Variants in PEPD observed in about 807,000 individuals in gnomAD.
PEPD encodes the protein peptidase D.
PEPD carries 53 observed loss-of-function variants against 60.7 expected under a neutral mutation model. That is an observed-to-expected ratio of 0.87 (90% CI 0.70 to 1.10). PEPD has a LOEUF of 1.10. Ranked by LOEUF, PEPD falls within the 50% of genes least tolerant of loss-of-function variation. The pLI, the probability that PEPD is intolerant of heterozygous loss-of-function variation, is 0.00. For missense variants in PEPD, 711 were observed against 711.9 expected (o/e 1.00, Z 0.01); for synonymous variants, 267 against 284.1 (o/e 0.94, Z 0.60).
chr19:33,415,820 G>A (rs1419411340), intron 9 of PEPD, among the ~76,000 whole-genome samples: 5 of 152,364 alleles, frequency 3.3e-5, no homozygotes, highest in East Asian at 1.9e-4. Flanking sequence ...AAAAGAGGAG[G>A]AGCACCACGT....
At chr19:33,493,194 C>T in intron 5 of PEPD, 96 bp downstream of exon 5, 1 of 880,882 alleles carries the variant, frequency 1.1e-6, no homozygotes, top group South Asian at 1.4e-5. Flanking sequence ...TTTTTTAATC[C>T]TCCCCTATGG....
intron 9 of PEPD, among the ~76,000 whole-genome samples, chr19:33,418,673 C>T (rs908172747): frequency 3.3e-5 from 5 of 152,204 alleles, no homozygotes; most frequent in Admixed American, 2.0e-4. Flanking sequence ...GCTCTTTTAG[C>T]ACTGTTCCCC....
At chr19:33,427,950 C>T (rs939190197) in intron 9 of PEPD, among the ~76,000 whole-genome samples, 3 of 152,132 alleles carry the variant, frequency 2.0e-5, no homozygotes, top group Non-Finnish European at 2.9e-5. Context: ...TGCCTGTAGG[C>T]AACCCATACC....
intron 9 of PEPD, among the ~76,000 whole-genome samples, chr19:33,417,313 GAA>G (rs1316527188): frequency 6.6e-6 from 1 of 152,202 alleles, no homozygotes; most frequent in Non-Finnish European, 1.5e-5. Context: ...GCTTGGGAGT[GAA>G]AATGCGCAGA....
At chr19:33,510,376 CA>C (rs1218212677) in intron 3 of PEPD, among the ~76,000 whole-genome samples, 1 of 152,146 alleles carries the variant, frequency 6.6e-6, no homozygotes, top group East Asian at 1.9e-4. Context: ...GCTCCAAAGC[CA>C]AAAGAGGAGG....
At chr19:33,454,143 T>G (rs547775914) in intron 9 of PEPD, among the ~76,000 whole-genome samples, 14 of 152,132 alleles carry the variant, frequency 9.2e-5, no homozygotes, top group African/African-American at 3.1e-4. Context: ...CAACCCGCAA[T>G]GCCAGAAAGG....
At chr19:33,452,507 G>C (rs765554833) in intron 9 of PEPD, among the ~76,000 whole-genome samples, 1 of 151,838 alleles carries the variant, frequency 6.6e-6, no homozygotes, top group Non-Finnish European at 1.5e-5. Context: ...TTTAAGAGCT[G>C]ATTTTATGAA....
intron 9 of PEPD, among the ~76,000 whole-genome samples, chr19:33,450,521 G>T (rs566477766): frequency 1.3e-5 from 2 of 152,284 alleles, no homozygotes; most frequent in Admixed American, 1.3e-4. Context: ...CACCATTCAC[G>T]CAGGAGACAA....
At chr19:33,469,252 T>C (rs992633338) in intron 7 of PEPD, among the ~76,000 whole-genome samples, 1 of 152,028 alleles carries the variant, frequency 6.6e-6, no homozygotes, top group Non-Finnish European at 1.5e-5. Flanking sequence ...TGCCCACCCA[T>C]CCCCACAGGC....
At chr19:33,506,357 C>A (rs1255458895) in intron 3 of PEPD, among the ~76,000 whole-genome samples, 2 of 147,626 alleles carry the variant, frequency 1.4e-5, no homozygotes, top group African/African-American at 5.0e-5. Flanking sequence ...AGGACACTCA[C>A]ACCCACCACA....
chr19:33,472,265 T>C (rs1316757186), intron 7 of PEPD, among the ~76,000 whole-genome samples: 1 of 151,596 alleles, frequency 6.6e-6, no homozygotes, highest in Non-Finnish European at 1.5e-5. Context: ...GAGTCCGAGG[T>C]TGTAGTGAGC....
intron 6 of PEPD, among the ~76,000 whole-genome samples, chr19:33,481,175 G>A (rs1360302512): frequency 6.6e-6 from 1 of 152,164 alleles, no homozygotes; most frequent in Admixed American, 6.5e-5. Flanking sequence ...AAATAAAAAA[G>A]TTTATAAGGG....
intron 6 of PEPD, among the ~76,000 whole-genome samples, chr19:33,483,494 A>C (rs950007373): frequency 6.6e-6 from 1 of 152,138 alleles, no homozygotes; most frequent in African/African-American, 2.4e-5. Context: ...CCTCGGCAAG[A>C]CTTCAACTCT....
chr19:33,425,230 C>T (rs865869176), intron 9 of PEPD, among the ~76,000 whole-genome samples: 7 of 152,026 alleles, frequency 4.6e-5, no homozygotes, highest in African/African-American at 7.3e-5. Context: ...ATTAGCCAGT[C>T]GTGGTGGCAC....
chr19:33,387,359 G>GA lies in PEPD; in HGVS notation c.1466dup (p.Ser490LeufsTer73), dbSNP rs1450207598. The GA allele has an allele frequency of 1.9e-6, 3 of 1,614,026 alleles. No homozygotes were observed. Among genetic ancestry groups the GA allele is most frequent in the Non-Finnish European group, 1.7e-6 (2 of 1,180,038 alleles). The stretch of plus-strand genomic sequence containing the variant: ...CTGGCTGGCTCTACTTGGGGCCAGA[G>GA]AAGGGGGTAAAGGCCTTGTCACAGC... On this transcript the variant is annotated frameshift_variant, in exon 15 of 15. Transcript: ENST00000244137. LOFTEE classifies it high-confidence loss of function.
chr19:33,421,487 T>C (rs1163944251), intron 9 of PEPD, among the ~76,000 whole-genome samples: 1 of 152,228 alleles, frequency 6.6e-6, no homozygotes, highest in Non-Finnish European at 1.5e-5. Context: ...CTTTTTATTT[T>C]TGTTTTTCAT....
At chr19:33,497,697 C>G (rs1313144501) in intron 4 of PEPD, among the ~76,000 whole-genome samples, 1 of 152,194 alleles carries the variant, frequency 6.6e-6, no homozygotes, top group Non-Finnish European at 1.5e-5. Flanking sequence ...GGGACCCCTT[C>G]CCTGCATAAA....
intron 11 of PEPD, among the ~76,000 whole-genome samples, chr19:33,407,143 C>T (rs970689664): frequency 6.6e-6 from 1 of 152,348 alleles, no homozygotes; most frequent in South Asian, 2.1e-4. Flanking sequence ...TAGATTAAGG[C>T]CCCCCTCCAA....
intron 10 of PEPD, 87 bp downstream of exon 10, chr19:33,413,488 G>T: frequency 1.3e-6 from 1 of 773,800 alleles, no homozygotes; most frequent in Non-Finnish European, 2.3e-6. Flanking sequence ...GTGTGGCTGA[G>T]CTGGGGGATG....
Sources: allele counts gnomAD v4.1 joint callset (sites outside exome capture counted in the v4.1 genomes callset), GRCh38; gene constraint gnomAD v4.1.1; transcripts MANE v1.5; gene names NCBI Gene and HGNC (gene_info 2026-07-23, HGNC 2026-07-21).